The following HTR2C variants were observed in gnomAD, a reference collection of about 807,000 sequenced individuals.
HTR2C encodes 5-hydroxytryptamine receptor 2C.
Under a neutral mutation model 21.0 loss-of-function variants are expected in HTR2C, and 5 were observed. The observed-to-expected ratio is 0.24, with a 90% CI of 0.12 to 0.50. The LOEUF is 0.50. Among genes scored for constraint, HTR2C ranks in the 20% least tolerant of loss-of-function variants. The pLI, the probability that HTR2C is intolerant of heterozygous loss-of-function variation, is 0.98. For missense variants in HTR2C, 271 were observed against 371.2 expected, an observed-to-expected ratio of 0.73 and a Z score of 2.22; for synonymous variants, 150 against 145.3, an observed-to-expected ratio of 1.03 and a Z score of -0.23.
At chrX:114,620,356 A>T (rs1410498109) in intron 2 of HTR2C, among the ~76,000 whole-genome samples, 4 of 112,254 alleles carry the variant, frequency 3.6e-5, no homozygotes, top group Non-Finnish European at 5.6e-5. Context: ...GATAGCAGAT[A>T]ATCAAATCAT....
intron 2 of HTR2C, among the ~76,000 whole-genome samples, chrX:114,722,576 C>A (rs1205044116): frequency 1.8e-5 from 2 of 109,495 alleles, no homozygotes; most frequent in African/African-American, 3.3e-5. Flanking sequence ...TGAGAGAGGG[C>A]ATCCCTGTCT....
At chrX:114,779,539 A>G (rs2070095408) in intron 4 of HTR2C, among the ~76,000 whole-genome samples, 1 of 111,625 alleles carries the variant, frequency 9.0e-6, no homozygotes, top group African/African-American at 3.3e-5. Context: ...CCTCCAATGC[A>G]GCTTTTTATT....
intron 2 of HTR2C, among the ~76,000 whole-genome samples, chrX:114,701,538 C>T (rs1191923952): frequency 1.8e-5 from 2 of 111,095 alleles, no homozygotes; most frequent in Non-Finnish European, 3.8e-5. Flanking sequence ...ACAGAAAGGA[C>T]ATCCACACCA....
intron 4 of HTR2C, among the ~76,000 whole-genome samples, chrX:114,799,170 A>G (rs1408090476): frequency 1.3e-4 from 14 of 111,103 alleles, no homozygotes; most frequent in Admixed American, 1.1e-3. Flanking sequence ...TTATTGAGAC[A>G]TTATCAAACT....
chrX:114,802,717 TCTTTCTTTCTTTCTTTCTTTCTTA>T (rs2070360806), intron 4 of HTR2C, among the ~76,000 whole-genome samples: 1 of 102,716 alleles, frequency 9.7e-6, no homozygotes, highest in African/African-American at 3.5e-5. Flanking sequence ...TTTCTTTCTT[TCTTTCTTTCTTTCTTTCTTTCTTA>T]TTATTATACT....
At chrX:114,612,757 G>A (rs1361881771) in intron 1 of HTR2C, among the ~76,000 whole-genome samples, 2 of 110,750 alleles carry the variant, frequency 1.8e-5, no homozygotes, top group Admixed American at 1.9e-4. Flanking sequence ...TGACTTACCT[G>A]CTATAGGAAT....
At chrX:114,587,964 G>A (rs1049724320) in intron 1 of HTR2C, among the ~76,000 whole-genome samples, 3 of 112,257 alleles carry the variant, frequency 2.7e-5, no homozygotes, top group Non-Finnish European at 3.8e-5. Context: ...AAACGACATA[G>A]TGAAATCAGG....
chrX:114,836,333 G>C (rs1283127692), intron 4 of HTR2C, among the ~76,000 whole-genome samples: 3 of 112,211 alleles, frequency 2.7e-5, no homozygotes, highest in Admixed American at 9.4e-5. Flanking sequence ...TTTGATCTCA[G>C]ACTGCTGTGC....
intron 1 of HTR2C, among the ~76,000 whole-genome samples, chrX:114,593,855 G>T (rs1927729208): frequency 9.0e-6 from 1 of 111,693 alleles, no homozygotes; most frequent in African/African-American, 3.3e-5. Flanking sequence ...TACTCAGGTA[G>T]TTGATTTTAT....
At chrX:114,749,453 C>CAAAAAAAAAAAA (rs782652879) in intron 4 of HTR2C, among the ~76,000 whole-genome samples, 7 of 41,898 alleles carry the variant, frequency 1.7e-4, no homozygotes, top group Admixed American at 4.7e-4. Context: ...GTCCATGTCT[C>CAAAAAAAAAAAA]AAAAAAAAAA....
At chrX:114,735,993 G>A (rs1314458325) in intron 4 of HTR2C, among the ~76,000 whole-genome samples, 2 of 110,169 alleles carry the variant, frequency 1.8e-5, no homozygotes, top group Non-Finnish European at 3.8e-5. Context: ...GGCACCTGTG[G>A]TCCCAGCTAC....
chrX:114,585,598 C>A (rs944242022), intron 1 of HTR2C, among the ~76,000 whole-genome samples: 1 of 111,161 alleles, frequency 9.0e-6, no homozygotes, highest in East Asian at 2.8e-4. Context: ...CTTTTCTGCG[C>A]CATGCCCTTT....
At chrX:114,738,472 C>T (rs1312938040) in intron 4 of HTR2C, among the ~76,000 whole-genome samples, 2 of 111,441 alleles carry the variant, frequency 1.8e-5, no homozygotes, top group African/African-American at 6.5e-5. Flanking sequence ...GAATACACCA[C>T]GACCAACTGG....
At chrX:114,605,660 G>A (rs1409619573) in intron 1 of HTR2C, among the ~76,000 whole-genome samples, 25 of 111,197 alleles carry the variant, frequency 2.2e-4, no homozygotes, top group Admixed American at 4.8e-4. Context: ...GGGGTGAAGC[G>A]GCATTGCAGA....
intron 1 of HTR2C, among the ~76,000 whole-genome samples, chrX:114,606,682 C>G (rs782736844): frequency 4.5e-4 from 50 of 111,760 alleles, no homozygotes; most frequent in Non-Finnish European, 8.5e-4. Flanking sequence ...TTGGGCTGGT[C>G]GGTCTGAGGA....
intron 2 of HTR2C, among the ~76,000 whole-genome samples, chrX:114,725,993 G>C (rs1299103915): frequency 9.0e-6 from 1 of 110,743 alleles, no homozygotes; most frequent in Admixed American, 9.6e-5. Context: ...GCCCCCAGAG[G>C]TGGAGCCTAC....
At chrX:114,845,058 A>G (rs1357072517) in intron 4 of HTR2C, among the ~76,000 whole-genome samples, 2 of 111,306 alleles carry the variant, frequency 1.8e-5, no homozygotes, top group Non-Finnish European at 3.8e-5. Context: ...AATAACAACA[A>G]TAAATACATT....
intron 1 of HTR2C, among the ~76,000 whole-genome samples, chrX:114,587,060 A>C (rs1486014108): frequency 8.9e-6 from 1 of 111,904 alleles, no homozygotes; most frequent in Non-Finnish European, 1.9e-5. Context: ...AGCCTCAATA[A>C]TTTTACTGTT....
At position 114,908,552 on chromosome X, in the gene HTR2C, C is replaced by T. The variant is rs1407460034; in HGVS notation, c.*1137C>T. On this transcript the variant is annotated 3_prime_UTR_variant, in exon 6 of 6. Transcript: ENST00000276198. Reference sequence around the variant, plus strand: ...TACCGAACTCGGGATTACAGAAACACGGAGTTTCCATTTGGATTTTAAACA... The same window carrying T: ...TACCGAACTCGGGATTACAGAAACATGGAGTTTCCATTTGGATTTTAAACA... 9.0e-6 allele frequency: 1 copy of T among 111,613 alleles called. No homozygotes were observed. The highest frequency in any genetic ancestry group is 3.3e-5 in the African/African-American group (1 of 30,644). 9.2% of individuals were successfully genotyped at this position (111,613 alleles called of 1,213,427 possible).
Sources: gnomAD v4.1 joint callset for allele counts (sites outside exome capture counted in the v4.1 genomes callset) on GRCh38, gnomAD v4.1.1 for gene constraint, MANE v1.5 for transcripts, NCBI Gene and HGNC (gene_info 2026-07-23, HGNC 2026-07-21) for gene names.